The following ITPR1 variants were observed in gnomAD, a reference collection of about 807,000 sequenced individuals.
ITPR1 encodes the protein inositol 1,4,5-trisphosphate receptor type 1, also known as inositol 1,4,5-trisphosphate-gated calcium channel ITPR1.
A neutral mutation model predicts 318.4 loss-of-function variants in ITPR1; 96 were observed. The ratio of observed to expected loss-of-function variants is 0.30; its 90% CI spans 0.26 to 0.36. The LOEUF (loss-of-function observed/expected upper bound fraction) is 0.36, where lower values mean the gene tolerates loss of function less well. ITPR1 is among the 10% of genes least tolerant of loss of function. The pLI, the probability that ITPR1 is intolerant of heterozygous loss-of-function variation, is 1.00. For synonymous variants in ITPR1, 1,312 were observed against 1,289.9 expected, an observed-to-expected ratio of 1.02 and a Z score of -0.37; for missense variants, 2,440 against 3,460.2, an observed-to-expected ratio of 0.71 and a Z score of 7.40.
intron 4 of ITPR1, among the ~76,000 whole-genome samples, chr3:4,567,480 A>G (rs1431463976): frequency 6.6e-6 from 1 of 152,184 alleles, no homozygotes; most frequent in African/African-American, 2.4e-5. Context: ...GGAACATGCT[A>G]GACTCCAAGT....
intron 54 of ITPR1, among the ~76,000 whole-genome samples, chr3:4,805,692 C>A (rs1448626096): frequency 6.6e-6 from 1 of 152,184 alleles, no homozygotes; most frequent in African/African-American, 2.4e-5. Flanking sequence ...TAGAATGTAA[C>A]AAATTCAGAA....
intron 2 of ITPR1, among the ~76,000 whole-genome samples, chr3:4,512,607 C>G (rs1350946704): frequency 1.3e-5 from 2 of 152,100 alleles, no homozygotes; most frequent in Non-Finnish European, 2.9e-5. Context: ...ACAGGGGATC[C>G]TTTACTGAGT....
intron 24 of ITPR1, among the ~76,000 whole-genome samples, chr3:4,680,007 G>C (rs1202561091): frequency 1.3e-5 from 2 of 152,174 alleles, no homozygotes; most frequent in Non-Finnish European, 2.9e-5. Flanking sequence ...GCAATCCTGG[G>C]AAAAGTGACC....
At chr3:4,759,206 G>A (rs983722656) in intron 44 of ITPR1, among the ~76,000 whole-genome samples, 5 of 152,216 alleles carry the variant, frequency 3.3e-5, no homozygotes, top group African/African-American at 7.2e-5. Flanking sequence ...TCATAACCAC[G>A]CTCCATGGCT....
chr3:4,695,558 C>A (rs1443423904), intron 33 of ITPR1, among the ~76,000 whole-genome samples: 1 of 152,176 alleles, frequency 6.6e-6, no homozygotes, highest in East Asian at 1.9e-4. Flanking sequence ...TCCTCACCTC[C>A]CCCAAGGGCT....
rs542006601 is a variant in ITPR1 at position 4,729,517 on chromosome 3, G to C, written c.5220+2344G>C. Among the ~76,000 whole-genome samples the C allele has an allele frequency of 7.9e-5, 12 of 152,294 alleles. No individual in the cohort carries two copies. In the South Asian group the frequency reaches 2.5e-3, roughly 32 times the overall value. On this transcript the variant is annotated intron_variant, in intron 42 of 61. Transcript: ENST00000649015. ...GAAGCACATGATTTTTAAGTGGCTG[G>C]AACCTGGGAAACCGAAAGGTCAGTT...
rs145571539 is a variant in ITPR1 at position 4,784,345 on chromosome 3, G to C, written c.6615+425G>C. On this transcript the variant is annotated intron_variant, in intron 51 of 61. Coordinates refer to ENST00000649015, the MANE Select transcript of ITPR1 (RefSeq NM_001378452.1). ...AATAACAGCAAGCGAAAGCCCAGAC[G>C]TGGGAAGATTCTAGGTGATCCGGAG... is the stretch of plus-strand genomic sequence containing the variant. Among the ~76,000 whole-genome samples, 1,127 of 152,202 alleles carry C rather than the reference G, an allele frequency of 7.4e-3. 12 individuals carry two copies. Among genetic ancestry groups the C allele is most frequent in the Non-Finnish European group, 6.4e-3 (436 of 68,018 alleles).
intron 10 of ITPR1, among the ~76,000 whole-genome samples, chr3:4,649,338 A>AT (rs1180496400): frequency 1.3e-5 from 2 of 152,114 alleles, no homozygotes; most frequent in Non-Finnish European, 2.9e-5. Flanking sequence ...TCTTTCTCTC[A>AT]TTTTTTAAAA....
intron 44 of ITPR1, among the ~76,000 whole-genome samples, chr3:4,741,558 T>C (rs1464565889): frequency 6.6e-6 from 1 of 152,118 alleles, no homozygotes; most frequent in Non-Finnish European, 1.5e-5. Context: ...TTTTTTTTTT[T>C]TTGAGGTTGG....
chr3:4,699,730 T>G, intron 34 of ITPR1, 83 bp from the exon 35 acceptor site: 1 of 1,387,206 alleles, frequency 7.2e-7, no homozygotes, highest in Non-Finnish European at 1.0e-6. Flanking sequence ...TTGTTAAAAG[T>G]AACCCACAGG....
intron 2 of ITPR1, among the ~76,000 whole-genome samples, chr3:4,506,350 G>T (rs2081390726): frequency 6.6e-6 from 1 of 151,964 alleles, no homozygotes; most frequent in South Asian, 2.1e-4. Flanking sequence ...TATGGCCTTT[G>T]TACTAGCCGT....
intron 6 of ITPR1, among the ~76,000 whole-genome samples, chr3:4,641,363 G>C (rs533241097): frequency 9.9e-5 from 15 of 152,142 alleles, no homozygotes; most frequent in Non-Finnish European, 1.9e-4. Context: ...ATCCCCTAAA[G>C]GGGTTGCATT....
chr3:4,658,996 A>T (rs544855612), intron 13 of ITPR1, among the ~76,000 whole-genome samples: 2 of 152,216 alleles, frequency 1.3e-5, no homozygotes, highest in African/African-American at 2.4e-5. Flanking sequence ...TTTCTTGTAG[A>T]TGAAGAAGCT....
At position 4,813,613 on chromosome 3, in the gene ITPR1, A is replaced by G. The variant is rs376507964; in HGVS notation, c.7561+379A>G. ...ACTGGGCTAAGCGTATCATCAAGAA[A>G]GTGATATCCAAACTATAAAAGGAGA... On this transcript the variant is annotated intron_variant, in intron 57 of 61. Coordinates refer to ENST00000649015, the MANE Select transcript of ITPR1 (RefSeq NM_001378452.1). Among the ~76,000 whole-genome samples, 21 of 152,336 alleles carry G rather than the reference A, an allele frequency of 1.4e-4. 4 individuals are homozygous for G. The highest frequency in any genetic ancestry group is 3.3e-4 in the Admixed American group (5 of 15,304).
intron 5 of ITPR1, among the ~76,000 whole-genome samples, chr3:4,635,757 G>A (rs919673814): frequency 1.3e-5 from 2 of 152,160 alleles, no homozygotes; most frequent in African/African-American, 4.8e-5. Context: ...TTGATCAGTG[G>A]CCTGTAGTGT....
chr3:4,693,968 C>T (rs183041793), intron 33 of ITPR1, among the ~76,000 whole-genome samples: 169 of 152,292 alleles, frequency 1.1e-3, no homozygotes, highest in African/African-American at 3.9e-3. Context: ...TCTTTAAGAA[C>T]AGTGAGGAAA....
chr3:4,782,509 G>A (rs565941242), intron 49 of ITPR1, 110 bp from the exon 50 acceptor site: 36 of 1,165,632 alleles, frequency 3.1e-5, no homozygotes, highest in South Asian at 1.4e-4. Context: ...GAGAGAGTGC[G>A]GAACAGCCTT....
At chr3:4,735,610 C>T (rs950958333) in intron 44 of ITPR1, 1 of 480,438 alleles carries the variant, frequency 2.1e-6, no homozygotes, top group South Asian at 3.1e-5. Context: ...GGAAACTGGC[C>T]TAAGATCTGG....
intron 42 of ITPR1, among the ~76,000 whole-genome samples, chr3:4,730,417 G>T (rs1421831174): frequency 1.1e-4 from 7 of 65,468 alleles, no homozygotes; most frequent in South Asian, 9.5e-4. Flanking sequence ...GTGTGTGTGT[G>T]TGTTTCCCCC....
Sources: allele counts gnomAD v4.1 joint callset (sites outside exome capture counted in the v4.1 genomes callset), GRCh38; gene constraint gnomAD v4.1.1; transcripts MANE v1.5; gene names NCBI Gene and HGNC (gene_info 2026-07-23, HGNC 2026-07-21).